GLIS3: variants seen among roughly 807,000 people sequenced by gnomAD.
The protein encoded by GLIS3 is GLIS family zinc finger 3, also known as zinc finger protein GLIS3.
A neutral mutation model predicts 78.6 loss-of-function variants in GLIS3; 53 were observed. That is an observed-to-expected ratio of 0.67 (90% CI 0.54 to 0.85). The LOEUF (loss-of-function observed/expected upper bound fraction) is 0.85. Among genes scored for constraint, GLIS3 ranks in the 40% least tolerant of loss-of-function variants. The pLI, the probability that GLIS3 is intolerant of heterozygous loss-of-function variation, is 0.00. For missense variants in GLIS3, 1,703 were observed against 1,231.1 expected (o/e 1.38, Z -5.74); for synonymous variants, 684 against 509.9 (o/e 1.34, Z -4.60).
chr9:4,465,633 G>A, the GLIS3 span, among the ~76,000 whole-genome samples: 1 of 152,154 alleles, frequency 6.6e-6, no homozygotes, highest in Non-Finnish European at 1.5e-5. Flanking sequence ...TGCTTGAGGG[G>A]ATGGATACCC....
upstream of GLIS3, among the ~76,000 whole-genome samples, chr9:4,350,299 C>T (rs1041059790): frequency 4.6e-5 from 7 of 152,114 alleles, no homozygotes; most frequent in African/African-American, 1.2e-4. Context: ...GAACTGGGCA[C>T]GTTTAAATCA....
At chr9:4,107,530 C>G (rs985497306) in intron 4 of GLIS3, among the ~76,000 whole-genome samples, 1 of 152,120 alleles carries the variant, frequency 6.6e-6, no homozygotes, top group African/African-American at 2.4e-5. Context: ...CATATTAGAA[C>G]AAAAACAAGA....
intron 4 of GLIS3, among the ~76,000 whole-genome samples, chr9:4,114,023 C>T (rs1009266413): frequency 1.8e-4 from 11 of 61,172 alleles, no homozygotes; most frequent in Middle Eastern, 7.2e-3. Flanking sequence ...CGGAGGCCCA[C>T]GTTCCCCCAA....
chr9:4,404,995 G>C, the GLIS3 span, among the ~76,000 whole-genome samples: 1 of 152,146 alleles, frequency 6.6e-6, no homozygotes, highest in Non-Finnish European at 1.5e-5. Context: ...AGGAAAAAAA[G>C]AGGGGAGACC....
At chr9:4,122,008 C>A (rs523057) in intron 3 of GLIS3, among the ~76,000 whole-genome samples, 92,143 of 152,096 alleles carry the variant, frequency 0.61, 28,346 homozygotes, top group East Asian at 0.86. Context: ...TCTGATCCTA[C>A]TGATATTACT....
At chr9:4,203,928 T>C (rs1209225899) in intron 2 of GLIS3, among the ~76,000 whole-genome samples, 8 of 152,190 alleles carry the variant, frequency 5.3e-5, no homozygotes, top group East Asian at 1.9e-4. Flanking sequence ...GACATTAAGA[T>C]GGCTACAATA....
At chr9:4,233,040 TATATTA>T (rs1482678299) in intron 2 of GLIS3, among the ~76,000 whole-genome samples, 1 of 152,176 alleles carries the variant, frequency 6.6e-6, no homozygotes, top group Non-Finnish European at 1.5e-5. Flanking sequence ...CAGCAATGCT[TATATTA>T]ATAAGGAGGA....
At chr9:3,980,946 C>G (rs759388002) in intron 4 of GLIS3, among the ~76,000 whole-genome samples, 5 of 152,182 alleles carry the variant, frequency 3.3e-5, no homozygotes, top group African/African-American at 4.8e-5. Flanking sequence ...CGGTTTCTCT[C>G]GACAGCCCTC....
chr9:3,864,704 C>T (rs1461746641), intron 8 of GLIS3, among the ~76,000 whole-genome samples: 1 of 152,148 alleles, frequency 6.6e-6, no homozygotes, highest in African/African-American at 2.4e-5. Context: ...GAATTTTCTG[C>T]ACCTTCTCTT....
rs559343217 is a variant in GLIS3 at position 4,275,148 on chromosome 9, G to A, written c.388+10890C>T. ...GATAGAGGCATGGAAAGGTGCTTAT[G>A]CATATACCGATGTCACTCAGGTGGC... On this transcript the variant is annotated intron_variant, in intron 2 of 10. Transcript: ENST00000381971. 2.0e-3 allele frequency among the ~76,000 whole-genome samples: 305 copies of A among 152,236 alleles called. 2 individuals carry two copies. Among genetic ancestry groups the A allele is most frequent in the Non-Finnish European group, 3.2e-3 (221 of 68,016 alleles).
intron 2 of GLIS3, among the ~76,000 whole-genome samples, chr9:4,208,761 C>CTTA (rs1393851550): frequency 6.6e-6 from 1 of 152,168 alleles, no homozygotes; most frequent in Admixed American, 6.5e-5. Context: ...TGCCCAAAGC[C>CTTA]TTATGCCACC....
At chr9:4,441,750 G>A in the GLIS3 span, among the ~76,000 whole-genome samples, 1,870 of 152,134 alleles carry the variant, frequency 0.012, 20 homozygotes, top group Non-Finnish European at 0.018. Context: ...GGGATTGCAG[G>A]TGCTCACCAT....
the GLIS3 span, among the ~76,000 whole-genome samples, chr9:4,423,711 G>C: frequency 6.6e-6 from 1 of 152,146 alleles, no homozygotes; most frequent in African/African-American, 2.4e-5. Context: ...ATGCCATAAG[G>C]GGTACATGGA....
chr9:4,445,350 G>GTT, the GLIS3 span, among the ~76,000 whole-genome samples: 18 of 152,224 alleles, frequency 1.2e-4, no homozygotes, highest in African/African-American at 4.1e-4. Flanking sequence ...GTCCAGGCCA[G>GTT]GTGTGGTGGT....
chr9:4,369,570 G>A, the GLIS3 span, among the ~76,000 whole-genome samples: 2 of 152,188 alleles, frequency 1.3e-5, no homozygotes, highest in Non-Finnish European at 2.9e-5. Flanking sequence ...AGACTCAGGT[G>A]TAGTCCTGGC....
intron 4 of GLIS3, among the ~76,000 whole-genome samples, chr9:3,966,436 CT>C (rs892102282): frequency 4.5e-4 from 67 of 148,936 alleles, no homozygotes; most frequent in Admixed American, 8.7e-4. Flanking sequence ...GATGCAAAGC[CT>C]TTTTTTTTTC....
At chr9:4,393,347 G>A in the GLIS3 span, among the ~76,000 whole-genome samples, 3 of 151,996 alleles carry the variant, frequency 2.0e-5, no homozygotes, top group African/African-American at 7.3e-5. Context: ...TAAATATTCA[G>A]CGTATATTTT....
chr9:4,351,548 C>T (rs544985988), upstream of GLIS3, among the ~76,000 whole-genome samples: 2 of 152,146 alleles, frequency 1.3e-5, no homozygotes, highest in African/African-American at 4.8e-5. Flanking sequence ...CAATTTATCA[C>T]AGTAGTTGAA....
At chr9:4,073,251 G>A (rs946851771) in intron 4 of GLIS3, among the ~76,000 whole-genome samples, 1 of 152,138 alleles carries the variant, frequency 6.6e-6, no homozygotes, top group Non-Finnish European at 1.5e-5. Flanking sequence ...GAGCACTGAC[G>A]GCAACATTCA....
Sources: allele counts gnomAD v4.1 joint callset (sites outside exome capture counted in the v4.1 genomes callset), GRCh38; gene constraint gnomAD v4.1.1; transcripts MANE v1.5; gene names NCBI Gene and HGNC (gene_info 2026-07-23, HGNC 2026-07-21).